Variants in NFE2L3 observed in about 807,000 individuals in gnomAD.
NFE2L3 encodes the protein NFE2 like bZIP transcription factor 3.
A neutral mutation model predicts 23.5 loss-of-function variants in NFE2L3; 18 were observed. That is an observed-to-expected ratio of 0.77 (90% CI 0.53 to 1.13). The LOEUF is 1.13. Ranked by LOEUF, NFE2L3 falls within the 50% of genes most tolerant of loss-of-function variation. The pLI is 0.00. For synonymous variants in NFE2L3, 424 were observed against 354.5 expected (o/e 1.20, Z -2.20); for missense variants, 1,152 against 877.2 (o/e 1.31, Z -3.96).
chr7:26,168,053 A>G (rs961470494), intron 1 of NFE2L3, among the ~76,000 whole-genome samples: 1 of 151,634 alleles, frequency 6.6e-6, no homozygotes, highest in South Asian at 2.1e-4. Context: ...ACTGAACCCA[A>G]TTTGTAGTCT....
intron 1 of NFE2L3, among the ~76,000 whole-genome samples, chr7:26,172,635 CATCA>C (rs1347743872): frequency 2.6e-5 from 4 of 152,178 alleles, no homozygotes; most frequent in Non-Finnish European, 4.4e-5. Flanking sequence ...TGTTGAAGGG[CATCA>C]ATCAGTTAGT....
rs370842202 is a variant in NFE2L3, at chr7:26,176,720, C to T, written c.571-1223C>T. 1.7e-3 allele frequency among the ~76,000 whole-genome samples: 99 copies of T among 56,804 alleles called. 14 individuals are homozygous for T. The highest frequency in any genetic ancestry group is 0.02 in the Middle Eastern group (2 of 100). The allele number at this position is 56,804 out of a possible 152,430, so 37.3% of individuals were successfully genotyped here. On this transcript the variant is annotated intron_variant, in intron 1 of 3. Coordinates refer to ENST00000056233, the MANE Select transcript of NFE2L3 (RefSeq NM_004289.7). Reference sequence around the variant, plus strand: ...GGGGTGGCCAGGCAGAGGCGCTCCTCACATCCCAGACGATGGGCAGCCGGG... The same window carrying T: ...GGGGTGGCCAGGCAGAGGCGCTCCTTACATCCCAGACGATGGGCAGCCGGG...
chr7:26,167,808 C>T (rs927600434), intron 1 of NFE2L3, among the ~76,000 whole-genome samples: 3 of 152,230 alleles, frequency 2.0e-5, no homozygotes, highest in Middle Eastern at 6.8e-3. Context: ...GAGTTATTGG[C>T]AGTTAATCAT....
Position 26,181,560 on chromosome 7 carries a change from A to G in NFE2L3, c.751-2141A>G, listed in dbSNP as rs182995620. Among the ~76,000 whole-genome samples, 140 of 152,284 alleles carry G rather than the reference A, an allele frequency of 9.2e-4. 2 individuals carry two copies. Among genetic ancestry groups the G allele is most frequent in the Admixed American group, 7.3e-3 (111 of 15,294 alleles). The stretch of plus-strand genomic sequence containing the variant: ...ACCATCAAGAATCCTCGGCCAAGAG[A>G]AAGTACAGTCTGGAAAATGATATAA... On this transcript the variant is annotated intron_variant, in intron 2 of 3. Coordinates refer to ENST00000056233, the MANE Select transcript of NFE2L3 (RefSeq NM_004289.7).
At chr7:26,179,094 C>T (rs1350254194) in intron 2 of NFE2L3, among the ~76,000 whole-genome samples, 1 of 152,134 alleles carries the variant, frequency 6.6e-6, no homozygotes, top group African/African-American at 2.4e-5. Flanking sequence ...CTACCACTCC[C>T]TTGCCCCTCC....
At position 26,152,367 on chromosome 7, in the gene NFE2L3, C is replaced by A; in HGVS notation, c.-132C>A. On this transcript the variant is annotated 5_prime_UTR_variant, in exon 1 of 4. Coordinates refer to ENST00000056233, the MANE Select transcript of NFE2L3 (RefSeq NM_004289.7). The surrounding 1 kb of genome is among the most constrained non-coding windows in gnomAD (Gnocchi z 4.4). ...AACCCGCGACGGCCGCCACGCGCCC[C>A]GGTCCATTGTTTCGCTTATCTGGGT... 1.8e-6 allele frequency: 1 copy of A among 565,482 alleles called. No individual in the cohort carries two copies. The highest frequency in any genetic ancestry group is 2.5e-6 in the Non-Finnish European group (1 of 404,278). 35.0% of individuals were successfully genotyped at this position (565,482 alleles called of 1,614,324 possible).
At chr7:26,172,846 T>C (rs996596995) in intron 1 of NFE2L3, among the ~76,000 whole-genome samples, 1 of 152,198 alleles carries the variant, frequency 6.6e-6, no homozygotes, top group African/African-American at 2.4e-5. Context: ...ATTTCTCCTG[T>C]AGTGTTATTA....
chr7:26,162,142 CAAA>C, intron 1 of NFE2L3, among the ~76,000 whole-genome samples: 1 of 96,812 alleles, frequency 1.0e-5, no homozygotes, highest in African/African-American at 3.5e-5. Flanking sequence ...GACTCCATCT[CAAA>C]AAAAAAAAAA....
intron 1 of NFE2L3, among the ~76,000 whole-genome samples, chr7:26,163,375 T>C (rs561153389): frequency 3.9e-4 from 60 of 152,176 alleles, no homozygotes; most frequent in African/African-American, 1.3e-3. Flanking sequence ...AAACGGAGAT[T>C]TGCTCTTGTT....
At chr7:26,184,115 T>C (rs1782411932) in intron 3 of NFE2L3, 1 of 363,684 alleles carries the variant, frequency 2.7e-6, no homozygotes, top group East Asian at 5.7e-5. Flanking sequence ...ATATTCACAA[T>C]AGCCTTGTAG....
intron 2 of NFE2L3, among the ~76,000 whole-genome samples, chr7:26,179,732 C>A (rs1466511709): frequency 2.0e-5 from 3 of 152,106 alleles, no homozygotes; most frequent in African/African-American, 7.2e-5. Flanking sequence ...AAACAAAACA[C>A]ACTGGGCTAA....
chr7:26,177,417 C>G, intron 1 of NFE2L3, among the ~76,000 whole-genome samples: 1 of 152,262 alleles, frequency 6.6e-6, no homozygotes, highest in South Asian at 2.1e-4. Context: ...GCCAACACGG[C>G]GAAACCCCAT....
At chr7:26,162,293 G>T (rs934163484) in intron 1 of NFE2L3, among the ~76,000 whole-genome samples, 5 of 152,024 alleles carry the variant, frequency 3.3e-5, no homozygotes, top group African/African-American at 1.2e-4. Flanking sequence ...TGCACCTAAG[G>T]TTTCTGCATT....
chr7:26,171,549 GAA>G (rs1272593823), intron 1 of NFE2L3, among the ~76,000 whole-genome samples: 6 of 102,472 alleles, frequency 5.9e-5, no homozygotes, highest in African/African-American at 7.3e-5. Flanking sequence ...CTTCTGAAAA[GAA>G]AAAAAAAAAA....
intron 1 of NFE2L3, among the ~76,000 whole-genome samples, chr7:26,163,780 A>G (rs751445094): frequency 1.5e-4 from 23 of 152,252 alleles, no homozygotes; most frequent in Non-Finnish European, 3.4e-4. Flanking sequence ...TACATTAGGT[A>G]TATCTCCTAA....
rs1434321238 is a variant in NFE2L3 at position 26,184,804 on chromosome 7, A to G, written c.1106A>G (p.Asp369Gly). 6.2e-7 allele frequency: 1 copy of G among 1,613,850 alleles called. No individual in the cohort carries two copies. The highest frequency in any genetic ancestry group is 8.5e-7 in the Non-Finnish European group (1 of 1,179,852). The change falls in exon 4 of 4, where the codon GAC becomes GGC. Residue 369 changes from aspartate to glycine, a missense_variant. Coordinates refer to ENST00000056233, the MANE Select transcript of NFE2L3 (RefSeq NM_004289.7). Reference sequence around the variant, plus strand: ...TTGACAGGATTTCTTTCACCGGTTGACAATCATATGAGGAATCTAACAAGC... The same window carrying G: ...TTGACAGGATTTCTTTCACCGGTTGGCAATCATATGAGGAATCTAACAAGC... ...TNLTGFLSPV[D>G]NHMRNLTSQD... is the part of the protein sequence containing the mutation.
intron 2 of NFE2L3, among the ~76,000 whole-genome samples, chr7:26,179,655 G>A (rs539788350): frequency 2.6e-5 from 4 of 152,214 alleles, no homozygotes; most frequent in East Asian, 1.9e-4. Flanking sequence ...GCAGTGATCC[G>A]TCATCATGCC....
chr7:26,181,948 A>G (rs911955244), intron 2 of NFE2L3, among the ~76,000 whole-genome samples: 4 of 152,014 alleles, frequency 2.6e-5, no homozygotes, highest in Admixed American at 1.3e-4. Flanking sequence ...CAAAATATGA[A>G]AGCAAAATTG....
intron 1 of NFE2L3, among the ~76,000 whole-genome samples, chr7:26,163,676 C>A (rs1784204899): frequency 6.6e-6 from 1 of 152,120 alleles, no homozygotes; most frequent in Non-Finnish European, 1.5e-5. Flanking sequence ...TTTTATTATA[C>A]TTTAAGTTTT....
Sources: allele counts gnomAD v4.1 joint callset (sites outside exome capture counted in the v4.1 genomes callset), GRCh38; gene constraint gnomAD v4.1.1; non-coding constraint Gnocchi (gnomAD v3.1); transcripts MANE v1.5; gene names NCBI Gene and HGNC (gene_info 2026-07-23, HGNC 2026-07-21).